The following DOK5 variants were observed in gnomAD, a reference collection of about 807,000 sequenced individuals.
DOK5 encodes the protein downstream of tyrosine kinase 5.
A neutral mutation model predicts 43.3 loss-of-function variants in DOK5; 27 were observed. The ratio of observed to expected loss-of-function variants is 0.62; its 90% CI spans 0.46 to 0.86. The LOEUF is 0.86. DOK5 is among the 40% of genes least tolerant of loss of function. The probability of loss-of-function intolerance (pLI) is 0.00; values close to 1 mark genes in which losing one functional copy is unlikely to be tolerated. For missense variants in DOK5, 373 were observed against 392.9 expected, an observed-to-expected ratio of 0.95 and a Z score of 0.43; for synonymous variants, 146 against 140.1, an observed-to-expected ratio of 1.04 and a Z score of -0.30.
At chr20:54,530,113 A>G (rs528303961) in intron 1 of DOK5, among the ~76,000 whole-genome samples, 5 of 152,338 alleles carry the variant, frequency 3.3e-5, no homozygotes, top group African/African-American at 1.2e-4. Context: ...AAAGATGACC[A>G]ACTGTTTAAA....
intron 2 of DOK5, among the ~76,000 whole-genome samples, chr20:54,581,417 T>C (rs1985634857): frequency 6.6e-6 from 1 of 151,724 alleles, no homozygotes; most frequent in Admixed American, 6.6e-5. Context: ...CCTGGGATTT[T>C]GATAGAGATT....
chr20:54,564,967 C>A (rs968309197), intron 2 of DOK5, among the ~76,000 whole-genome samples: 8 of 152,172 alleles, frequency 5.3e-5, no homozygotes, highest in Non-Finnish European at 5.9e-5. Context: ...TGTCTCAAAG[C>A]CTTTGCAGTT....
At position 54,588,510 on chromosome 20, in the gene DOK5, G is replaced by A. The variant is rs200557118; in HGVS notation, c.202G>A (p.Val68Ile). 5.1e-5 allele frequency: 82 copies of A among 1,614,096 alleles called. 1 individual carries two copies. In the Middle Eastern group the frequency reaches 2.1e-3, roughly 42 times the overall value. The change falls in exon 3 of 8, where the codon GTA becomes ATA. Residue 68 changes from valine to isoleucine, a missense_variant. Coordinates refer to ENST00000262593, the MANE Select transcript of DOK5 (RefSeq NM_018431.5). Reference protein sequence around the residue: ...KVTELNNVKNVARLPKSTKKH... With the variant: ...KVTELNNVKNIARLPKSTKKH... ...TACAGAACTCAATAATGTGAAGAAC[G>A]TAGCTCGATTGCCAAAAAGCACCAA...
chr20:54,622,236 A>G (rs1407432838), intron 6 of DOK5, among the ~76,000 whole-genome samples: 1 of 152,152 alleles, frequency 6.6e-6, no homozygotes, highest in Non-Finnish European at 1.5e-5. Flanking sequence ...AAAAAGAGCT[A>G]AATGAGATTA....
At chr20:54,533,503 A>G (rs997072667) in intron 1 of DOK5, among the ~76,000 whole-genome samples, 3 of 152,210 alleles carry the variant, frequency 2.0e-5, no homozygotes, top group African/African-American at 7.2e-5. Flanking sequence ...ATAATAAAAT[A>G]ATAAAACATC....
chr20:54,615,290 G>A (rs1986771133), intron 6 of DOK5, among the ~76,000 whole-genome samples: 2 of 152,184 alleles, frequency 1.3e-5, no homozygotes, highest in Admixed American at 1.3e-4. Context: ...GCTGAATAAT[G>A]GCTCCCCAAA....
At chr20:54,631,042 G>A (rs1366257571) in intron 6 of DOK5, among the ~76,000 whole-genome samples, 1 of 152,130 alleles carries the variant, frequency 6.6e-6, no homozygotes, top group Non-Finnish European at 1.5e-5. Context: ...AAGTATGATA[G>A]AGCCAAAGGA....
chr20:54,529,894 A>G (rs1983710863), intron 1 of DOK5, among the ~76,000 whole-genome samples: 1 of 152,216 alleles, frequency 6.6e-6, no homozygotes, highest in Admixed American at 6.6e-5. Context: ...TGTAGCATGC[A>G]TTAGTACTGC....
At position 54,475,824 on chromosome 20, in the gene DOK5, G is replaced by A. The variant is rs1453560316; in HGVS notation, c.-123G>A. 2 of 1,207,476 alleles carry A rather than the reference G, an allele frequency of 1.7e-6. No homozygotes were observed. The highest frequency in any genetic ancestry group is 2.4e-5 in the East Asian group (1 of 41,078). 74.8% of individuals were successfully genotyped at this position (1,207,476 alleles called of 1,614,324 possible). On this transcript the variant is annotated 5_prime_UTR_variant, in exon 1 of 8. Coordinates refer to ENST00000262593, the MANE Select transcript of DOK5 (RefSeq NM_018431.5). This position sits in a 1 kb window ranked among gnomAD's most constrained non-coding sequence, Gnocchi z 4.2. ...TTCTAAAGCCTCGCCCAGCGCCGCC[G>A]AAGCAGCTTCACCTCTCCAACTTTC...
rs1979660839 is a variant in DOK5 at position 54,650,785 on chromosome 20, ACTTCTCTG to A, written c.*307_*314del. 1 of 236,880 alleles carries A rather than the reference ACTTCTCTG, an allele frequency of 4.2e-6. No homozygotes were observed. Among genetic ancestry groups the A allele is most frequent in the Non-Finnish European group, 8.1e-6 (1 of 123,020 alleles). 14.7% of individuals were successfully genotyped at this position (236,880 alleles called of 1,614,324 possible). A position where few individuals can be genotyped will look rare whatever the true frequency, so the allele number is the denominator to read the frequency against. On this transcript the variant is annotated 3_prime_UTR_variant, in exon 8 of 8. Coordinates refer to ENST00000262593, the MANE Select transcript of DOK5 (RefSeq NM_018431.5). ...CTATTGTAGATACTTTGTCCCTTGC[ACTTCTCTG>A]AATCTGTCCTTTTGTGGATTCTTGT...
chr20:54,564,237 C>T (rs1985013707), intron 2 of DOK5, among the ~76,000 whole-genome samples: 1 of 152,044 alleles, frequency 6.6e-6, no homozygotes, highest in African/African-American at 2.4e-5. Context: ...TCCTGGCTAA[C>T]ACGGTGAAAC....
chr20:54,644,710 A>AAAAAAAAAAAAAAAAAC (rs1174220240), intron 7 of DOK5, among the ~76,000 whole-genome samples: 12 of 102,258 alleles, frequency 1.2e-4, no homozygotes, highest in Non-Finnish European at 2.3e-4. Context: ...CGTCTCAAAA[A>AAAAAAAAAAAAAAAAAC]AAAAAAAAAA....
intron 1 of DOK5, 68 bp from the exon 2 acceptor site, chr20:54,554,865 A>T: frequency 9.9e-7 from 1 of 1,012,274 alleles, no homozygotes; most frequent in Admixed American, 2.0e-5. Flanking sequence ...AAACATCAAA[A>T]AGAAAACATT....
intron 1 of DOK5, among the ~76,000 whole-genome samples, chr20:54,480,944 T>TATCTATCATCTATC (rs1336636884): frequency 7.1e-6 from 1 of 140,782 alleles, no homozygotes; most frequent in African/African-American, 3.0e-5. Flanking sequence ...ATCATCTATC[T>TATCTATCATCTATC]ATCTATCATC....
chr20:54,624,319 A>T (rs1987074294), intron 6 of DOK5, among the ~76,000 whole-genome samples: 1 of 152,162 alleles, frequency 6.6e-6, no homozygotes, highest in Non-Finnish European at 1.5e-5. Context: ...CAATCTGATT[A>T]TATGTGATTT....
chr20:54,530,700 G>A (rs914696787), intron 1 of DOK5, among the ~76,000 whole-genome samples: 1 of 152,058 alleles, frequency 6.6e-6, no homozygotes, highest in Non-Finnish European at 1.5e-5. Flanking sequence ...TCACTCTGTG[G>A]TTCTCTCCCA....
At chr20:54,647,700 G>A (rs58128443) in intron 7 of DOK5, among the ~76,000 whole-genome samples, 124,387 of 151,638 alleles carry the variant, frequency 0.82, 51,241 homozygotes, top group East Asian at 1. Flanking sequence ...CCCTAAGAAA[G>A]GTTACTGTGG....
intron 1 of DOK5, among the ~76,000 whole-genome samples, chr20:54,515,173 G>A (rs770197168): frequency 2.6e-5 from 4 of 151,954 alleles, no homozygotes; most frequent in African/African-American, 4.8e-5. Flanking sequence ...ACCACACCCA[G>A]CTAAATTTTC....
At chr20:54,602,823 A>G (rs2076978218) in intron 5 of DOK5, among the ~76,000 whole-genome samples, 1 of 152,046 alleles carries the variant, frequency 6.6e-6, no homozygotes, top group Admixed American at 6.5e-5. Context: ...ATAGTCGCAC[A>G]CCGCCATGCC....
Sources: gnomAD v4.1 joint callset for allele counts (sites outside exome capture counted in the v4.1 genomes callset) on GRCh38, gnomAD v4.1.1 for gene constraint, Gnocchi (gnomAD v3.1) non-coding constraint, MANE v1.5 for transcripts, NCBI Gene and HGNC (gene_info 2026-07-23, HGNC 2026-07-21) for gene names.